The following NOL4 variants were observed in gnomAD, a reference collection of about 807,000 sequenced individuals.
NOL4 encodes the protein cancer/testis antigen 125.
A neutral mutation model predicts 75.9 loss-of-function variants in NOL4; 17 were observed. The observed-to-expected ratio is 0.22, with a 90% confidence interval of 0.15 to 0.34. NOL4 has a LOEUF of 0.34. NOL4 is among the 10% of genes least tolerant of loss of function. The pLI is 1.00. For missense variants in NOL4, 614 were observed against 793.5 expected (o/e 0.77, Z 2.72); for synonymous variants, 292 against 289.9 (o/e 1.01, Z -0.07).
intron 9 of NOL4, among the ~76,000 whole-genome samples, chr18:33,915,194 A>T (rs1008634978): frequency 2.6e-5 from 4 of 152,100 alleles, no homozygotes; most frequent in African/African-American, 9.7e-5. Flanking sequence ...GAAATAGACC[A>T]TTGGCTCTAG....
At chr18:33,970,105 A>G (rs1175656822) in intron 6 of NOL4, among the ~76,000 whole-genome samples, 1 of 152,178 alleles carries the variant, frequency 6.6e-6, no homozygotes, top group Non-Finnish European at 1.5e-5. Flanking sequence ...CAGCTCCTGA[A>G]AGTCTGAGGA....
chr18:33,891,067 T>C (rs1033890136), intron 9 of NOL4, among the ~76,000 whole-genome samples: 3 of 151,458 alleles, frequency 2.0e-5, no homozygotes, highest in Non-Finnish European at 2.9e-5. Context: ...ATAATATATA[T>C]ATTATATGAT....
chr18:34,152,111 A>C (rs2081667447), intron 1 of NOL4, among the ~76,000 whole-genome samples: 1 of 151,906 alleles, frequency 6.6e-6, no homozygotes, highest in Non-Finnish European at 1.5e-5. Context: ...AAAAATAAAA[A>C]TCTGCCAAGG....
intron 9 of NOL4, among the ~76,000 whole-genome samples, chr18:33,911,846 A>C (rs1393618338): frequency 1.3e-5 from 2 of 152,148 alleles, no homozygotes; most frequent in East Asian, 3.9e-4. Flanking sequence ...TGAATAATTT[A>C]ATTTATTCTG....
intron 2 of NOL4, among the ~76,000 whole-genome samples, chr18:34,107,139 G>A (rs2145703761): frequency 6.6e-6 from 1 of 152,198 alleles, no homozygotes; most frequent in East Asian, 1.9e-4. Flanking sequence ...AAGCACTTGT[G>A]TAGAAAACCC....
At chr18:34,039,463 G>A (rs2076050097) in intron 5 of NOL4, among the ~76,000 whole-genome samples, 1 of 151,954 alleles carries the variant, frequency 6.6e-6, no homozygotes. Context: ...CAGCTCTGCA[G>A]ACATTTGCAG....
intron 5 of NOL4, among the ~76,000 whole-genome samples, chr18:34,035,562 T>C (rs75321665): frequency 0.039 from 5,873 of 151,644 alleles, 138 homozygotes; most frequent in East Asian, 0.063. Context: ...AATAATCTAA[T>C]GATGATCCTC....
intron 6 of NOL4, among the ~76,000 whole-genome samples, chr18:34,015,867 A>T (rs983872081): frequency 6.6e-6 from 1 of 152,114 alleles, no homozygotes; most frequent in African/African-American, 2.4e-5. Context: ...AAAGCCAAAA[A>T]TCTTGGAGTC....
intron 2 of NOL4, among the ~76,000 whole-genome samples, chr18:34,106,168 T>C (rs2079267887): frequency 6.6e-6 from 1 of 152,064 alleles, no homozygotes; most frequent in Non-Finnish European, 1.5e-5. Flanking sequence ...CAAACACTGA[T>C]GTATTTTAAA....
At chr18:33,891,348 C>A (rs1013424890) in intron 9 of NOL4, among the ~76,000 whole-genome samples, 1 of 152,086 alleles carries the variant, frequency 6.6e-6, no homozygotes, top group Non-Finnish European at 1.5e-5. Flanking sequence ...ACCAGACTAG[C>A]AGCTCTGCTT....
intron 2 of NOL4, among the ~76,000 whole-genome samples, chr18:34,124,831 C>A (rs536858277): frequency 2.2e-4 from 33 of 151,474 alleles, no homozygotes; most frequent in African/African-American, 7.3e-4. Flanking sequence ...CACTTGAACT[C>A]GGGAGGTGGA....
intron 5 of NOL4, chr18:34,023,684 C>T: frequency 3.5e-6 from 1 of 284,748 alleles, no homozygotes; most frequent in South Asian, 3.2e-5. Context: ...AATGTGATGA[C>T]AAGGAAGTGT....
chr18:34,156,274 C>T (rs2030372794), intron 1 of NOL4, among the ~76,000 whole-genome samples: 3 of 152,198 alleles, frequency 2.0e-5, no homozygotes, highest in Middle Eastern at 3.4e-3. Flanking sequence ...TATTTAATCC[C>T]CATAATATCC....
chr18:33,891,642 A>G (rs937674849), intron 9 of NOL4, among the ~76,000 whole-genome samples: 1 of 152,204 alleles, frequency 6.6e-6, no homozygotes, highest in African/African-American at 2.4e-5. Context: ...GTATTTGGAA[A>G]ATAACAATGA....
At chr18:33,895,754 A>T (rs2065361069) in intron 9 of NOL4, among the ~76,000 whole-genome samples, 1 of 152,118 alleles carries the variant, frequency 6.6e-6, no homozygotes, top group Non-Finnish European at 1.5e-5. Context: ...ATAAGACAAG[A>T]ATGGCCTCTG....
At chr18:33,961,560 A>G (rs2070129437) in intron 6 of NOL4, among the ~76,000 whole-genome samples, 3 of 152,082 alleles carry the variant, frequency 2.0e-5, no homozygotes, top group Admixed American at 2.0e-4. Context: ...TAATCTCATG[A>G]GCCAATACTT....
chr18:34,062,591 C>A (rs1332005330), intron 5 of NOL4, among the ~76,000 whole-genome samples: 1 of 151,952 alleles, frequency 6.6e-6, no homozygotes, highest in Non-Finnish European at 1.5e-5. Context: ...TTCAAAATTT[C>A]TAAGAAATAA....
chr18:34,099,788 T>C (rs1439024232), intron 4 of NOL4, among the ~76,000 whole-genome samples: 1 of 152,132 alleles, frequency 6.6e-6, no homozygotes, highest in African/African-American at 2.4e-5. Context: ...ATTTTAATCA[T>C]ACCCTTATAT....
intron 5 of NOL4, among the ~76,000 whole-genome samples, chr18:34,024,467 A>T (rs907325633): frequency 3.3e-5 from 5 of 151,962 alleles, no homozygotes; most frequent in African/African-American, 1.2e-4. Context: ...AAAAAAAATT[A>T]AAAATTCCTT....
Sources: gnomAD v4.1 joint callset for allele counts (sites outside exome capture counted in the v4.1 genomes callset) on GRCh38, gnomAD v4.1.1 for gene constraint, MANE v1.5 for transcripts, NCBI Gene and HGNC (gene_info 2026-07-23, HGNC 2026-07-21) for gene names.